Variants in LOC400499 observed in about 807,000 individuals in gnomAD.
chr16:11,410,723 C>G, the LOC400499 span, among the ~76,000 whole-genome samples: 1 of 152,084 alleles, frequency 6.6e-6, no homozygotes, highest in Non-Finnish European at 1.5e-5. Context: ...TTTTACTAAA[C>G]AACTACTGTG....
the LOC400499 span, among the ~76,000 whole-genome samples, chr16:11,403,464 T>C: frequency 6.9e-6 from 1 of 145,936 alleles, no homozygotes; most frequent in African/African-American, 2.8e-5. Context: ...CATGCACACA[T>C]ACACACATGA....
chr16:11,382,335 T>C, the LOC400499 span, among the ~76,000 whole-genome samples: 24 of 152,370 alleles, frequency 1.6e-4, no homozygotes, highest in African/African-American at 5.5e-4. Context: ...TTTAAATGTC[T>C]GAATGGCAGC....
At chr16:11,481,136 T>C in the LOC400499 span, among the ~76,000 whole-genome samples, 7 of 152,146 alleles carry the variant, frequency 4.6e-5, no homozygotes, top group African/African-American at 7.2e-5. Flanking sequence ...TTACATGAAA[T>C]ATCCAGAAGA....
At chr16:11,417,780 C>A in the LOC400499 span, 1 of 398,880 alleles carries the variant, frequency 2.5e-6, no homozygotes, top group Non-Finnish European at 4.4e-6. Context: ...ATGTGGGCCC[C>A]ATCAGGATGC....
chr16:11,459,919 CG>C, the LOC400499 span: 1 of 1,470,720 alleles, frequency 6.8e-7, no homozygotes, highest in Non-Finnish European at 9.0e-7. Context: ...TTGCTCAGGG[CG>C]GGCCCCGAGT....
chr16:11,435,269 C>T, the LOC400499 span, among the ~76,000 whole-genome samples: 2 of 152,118 alleles, frequency 1.3e-5, no homozygotes, highest in African/African-American at 4.8e-5. Flanking sequence ...CACCCCACCA[C>T]ACCTGGCTAA....
At chr16:11,392,278 G>A in the LOC400499 span, 24 of 398,776 alleles carry the variant, frequency 6.0e-5, no homozygotes, top group South Asian at 2.2e-3. Context: ...GTGGGAGAAC[G>A]GTAACCCCTT....
chr16:11,378,578 T>G, the LOC400499 span, among the ~76,000 whole-genome samples: 3 of 152,152 alleles, frequency 2.0e-5, no homozygotes, highest in Non-Finnish European at 4.4e-5. Flanking sequence ...CTTTTTTAAT[T>G]TAAGTGTGTA....
At chr16:11,384,785 G>A in the LOC400499 span, 3 of 1,035,496 alleles carry the variant, frequency 2.9e-6, no homozygotes, top group East Asian at 3.2e-5. Flanking sequence ...GCCGGCAGAG[G>A]CTCTGCATGC....
chr16:11,382,086 G>A, the LOC400499 span, among the ~76,000 whole-genome samples: 1 of 152,064 alleles, frequency 6.6e-6, no homozygotes, highest in Non-Finnish European at 1.5e-5. Context: ...ACAGGAGCCC[G>A]CCACCACACC....
the LOC400499 span, chr16:11,446,899 T>A: frequency 1.2e-5 from 19 of 1,534,702 alleles, no homozygotes; most frequent in Non-Finnish European, 1.6e-5. Context: ...GATGGGCAGG[T>A]GCAACGGGTG....
chr16:11,451,815 G>C, the LOC400499 span, among the ~76,000 whole-genome samples: 1 of 152,154 alleles, frequency 6.6e-6, no homozygotes, highest in Non-Finnish European at 1.5e-5. Flanking sequence ...CTCAGATGCA[G>C]GGACAAAGAC....
At chr16:11,501,035 G>T in the LOC400499 span, 10 of 398,190 alleles carry the variant, frequency 2.5e-5, no homozygotes, top group East Asian at 3.6e-4. Flanking sequence ...GAAGTCACCC[G>T]GGGGTAAACT....
At chr16:11,519,698 G>A in the LOC400499 span, among the ~76,000 whole-genome samples, 3 of 150,984 alleles carry the variant, frequency 2.0e-5, no homozygotes, top group Non-Finnish European at 4.4e-5. Flanking sequence ...CACGTATTAT[G>A]TGACTCCACT....
the LOC400499 span, among the ~76,000 whole-genome samples, chr16:11,522,315 T>G: frequency 2.6e-5 from 4 of 152,286 alleles, no homozygotes; most frequent in East Asian, 7.7e-4. Flanking sequence ...CAGTAAGTGC[T>G]CAATAAGTAC....
At chr16:11,509,551 C>A in the LOC400499 span, among the ~76,000 whole-genome samples, 17 of 152,004 alleles carry the variant, frequency 1.1e-4, no homozygotes. Flanking sequence ...CCACTCTGTG[C>A]CTGGCACAGA....
chr16:11,515,357 G>C, the LOC400499 span, among the ~76,000 whole-genome samples: 2 of 152,012 alleles, frequency 1.3e-5, no homozygotes, highest in African/African-American at 4.8e-5. Flanking sequence ...TCAAGAGGCT[G>C]AGACAGGAGG....
the LOC400499 span, among the ~76,000 whole-genome samples, chr16:11,374,162 C>A: frequency 2.3e-3 from 349 of 152,332 alleles, 1 homozygote; most frequent in African/African-American, 8.0e-3. Context: ...AGCCTACTAT[C>A]TGAGTCCTGT....
the LOC400499 span, chr16:11,391,797 C>T: frequency 4.5e-5 from 55 of 1,232,104 alleles, no homozygotes; most frequent in African/African-American, 6.2e-5. Flanking sequence ...CATGGCCTCC[C>T]GCCCCGCCTG....
Sources: gnomAD v4.1 joint callset for allele counts (sites outside exome capture counted in the v4.1 genomes callset) on GRCh38, gnomAD v4.1.1 for gene constraint, MANE v1.5 for transcripts.